Variants in CYP2B6 observed in about 807,000 individuals in gnomAD.
CYP2B6 encodes the protein cytochrome P450 family 2 subfamily B member 6.
A neutral mutation model predicts 43.4 loss-of-function variants in CYP2B6; 35 were observed. The ratio of observed to expected loss-of-function variants is 0.81; its 90% CI spans 0.62 to 1.07. CYP2B6 has a LOEUF of 1.07. Among genes scored for constraint, CYP2B6 ranks in the 50% least tolerant of loss-of-function variants. The pLI is 0.00. For missense variants in CYP2B6, 624 were observed against 632.8 expected, an observed-to-expected ratio of 0.99 and a Z score of 0.15; for synonymous variants, 239 against 239.2, an observed-to-expected ratio of 1.00 and a Z score of 0.01.
Position 41,016,811 on chromosome 19 carries a change from G to T in CYP2B6, c.1460G>T (p.Arg487Leu), listed in dbSNP as rs149386398. 6.2e-6 allele frequency: 10 copies of T among 1,613,750 alleles called. No homozygotes were observed. The highest frequency in any genetic ancestry group is 8.5e-6 in the Non-Finnish European group (10 of 1,179,878). Reference sequence around the variant, plus strand: ...AAAATACCCCCAACATACCAGATCCGCTTCCTGCCCCGCTGAAGGGGCTGA... The same window carrying T: ...AAAATACCCCCAACATACCAGATCCTCTTCCTGCCCCGCTGAAGGGGCTGA... Reference protein sequence around the residue: ...VGKIPPTYQIRFLPR With the variant: ...VGKIPPTYQILFLPR The change falls in exon 9 of 9, where the codon CGC (arginine) becomes CTC (leucine). Residue 487 changes from arginine (R) to leucine (L), a missense_variant. Coordinates refer to ENST00000324071, the MANE Select transcript of CYP2B6 (RefSeq NM_000767.5).
In CYP2B6 at chr19:41,006,815, G is replaced by A. The variant is rs1018810051; in HGVS notation, c.485-90G>A. ...TTATTCTCATGTTTACCATTACTGA[G>A]TGATGGCAGACAATCACACAGAGAT... is the stretch of plus-strand genomic sequence containing the variant. On this transcript the variant is annotated intron_variant, in intron 3 of 8. Transcript: ENST00000324071. The A allele has an allele frequency of 4.9e-6, 6 of 1,220,334 alleles. No homozygotes were observed. In the African/African-American group the frequency reaches 8.9e-5, roughly 18 times the overall value. 75.6% of individuals were successfully genotyped at this position (1,220,334 alleles called of 1,614,324 possible). A position where few individuals can be genotyped will look rare whatever the true frequency, so the allele number is the denominator to read the frequency against.
In CYP2B6 at chr19:41,010,152, C is replaced by T; in HGVS notation, c.964+17C>T. On this transcript the variant is annotated intron_variant, in intron 6 of 8. Transcript: ENST00000324071. ...ATGTTGCAGGTGGGCCAGGGACAGCCAGTCAAGGGGGTCTTCTGACCTCCT... is the reference window on the plus strand; with the variant it reads ...ATGTTGCAGGTGGGCCAGGGACAGCTAGTCAAGGGGGTCTTCTGACCTCCT... 1 of 1,612,168 alleles carries T rather than the reference C, an allele frequency of 6.2e-7. No individual in the cohort carries two copies. The highest frequency in any genetic ancestry group is 8.5e-7 in the Non-Finnish European group (1 of 1,179,872).
chr19:40,995,294 A>G (rs1309062853), intron 1 of CYP2B6, among the ~76,000 whole-genome samples: 1 of 152,220 alleles, frequency 6.6e-6, no homozygotes, highest in Non-Finnish European at 1.5e-5. Context: ...TCCAACAGAC[A>G]TACAGTTCTA....
At chr19:40,997,864 C>G (rs548417386) in intron 1 of CYP2B6, among the ~76,000 whole-genome samples, 3 of 152,178 alleles carry the variant, frequency 2.0e-5, no homozygotes, top group East Asian at 3.9e-4. Context: ...CTTTGGGAGG[C>G]TGAGGTGGGA....
chr19:40,992,546 CCTCA>C (rs944684488), intron 1 of CYP2B6, among the ~76,000 whole-genome samples: 1 of 151,870 alleles, frequency 6.6e-6, no homozygotes, highest in African/African-American at 2.4e-5. Context: ...TGAGACAGGG[CCTCA>C]CTCTGTCAGC....
At chr19:41,000,750 G>A (rs1599844020) in intron 1 of CYP2B6, among the ~76,000 whole-genome samples, 1 of 151,972 alleles carries the variant, frequency 6.6e-6, no homozygotes, top group African/African-American at 2.4e-5. Flanking sequence ...TTAGAATTAG[G>A]GATGGTGGCT....
Position 40,999,884 on chromosome 19 carries a change from C to T in CYP2B6, c.172-4117C>T, listed in dbSNP as rs146469747. Among the ~76,000 whole-genome samples, 211 of 151,978 alleles carry T rather than the reference C, an allele frequency of 1.4e-3. 2 individuals are homozygous for T. The highest frequency in any genetic ancestry group is 4.3e-3 in the African/African-American group (179 of 41,426). On this transcript the variant is annotated intron_variant, in intron 1 of 8. Coordinates refer to ENST00000324071, the MANE Select transcript of CYP2B6 (RefSeq NM_000767.5). The stretch of plus-strand genomic sequence containing the variant: ...TTTTTGTAGAGATGTGTTTGGGGGA[C>T]GGTCTCACTATGTTGCCTAGGCTGG...
chr19:41,002,636 C>T (rs1174446667), intron 1 of CYP2B6, among the ~76,000 whole-genome samples: 1 of 152,112 alleles, frequency 6.6e-6, no homozygotes, highest in Non-Finnish European at 1.5e-5. Flanking sequence ...CAACCTCCGC[C>T]TCCCCGGGCT....
Position 41,004,307 on chromosome 19 carries a change from T to C in CYP2B6, c.345T>C (p.Phe115=), listed in dbSNP as rs1443207261. ...TCCCCTGCACCCCAGGTGTGATCTT[T>C]GCCAATGGAAACCGCTGGAAGGTGC... ...DPFFRGYGVI[F]ANGNRWKVLR... The change falls in exon 3 of 9, where the codon TTT becomes TTC. Residue 115 remains phenylalanine (F), a synonymous_variant. Transcript: ENST00000324071. 1.9e-6 allele frequency: 3 copies of C among 1,613,896 alleles called. No homozygotes were observed.
intron 6 of CYP2B6, 81 bp downstream of exon 6, chr19:41,010,216 TGA>T: frequency 6.5e-7 from 1 of 1,543,430 alleles, no homozygotes; most frequent in Non-Finnish European, 8.9e-7. Flanking sequence ...ACCACCTGGA[TGA>T]GAGAGGGGAT....
chr19:40,999,561 C>G (rs193207694), intron 1 of CYP2B6, among the ~76,000 whole-genome samples: 1 of 152,176 alleles, frequency 6.6e-6, no homozygotes, highest in South Asian at 2.1e-4. Flanking sequence ...TTAGGTCTAA[C>G]GTTTAAGTCT....
At chr19:41,007,482 G>T in intron 4 of CYP2B6, 1 of 183,412 alleles carries the variant, frequency 5.5e-6, no homozygotes, top group Non-Finnish European at 1.1e-5. Flanking sequence ...TTTTTAGACG[G>T]AGTCTCGCTG....
chr19:40,992,545 G>A (rs1456285899), intron 1 of CYP2B6, among the ~76,000 whole-genome samples: 1 of 151,904 alleles, frequency 6.6e-6, no homozygotes, highest in Non-Finnish European at 1.5e-5. Context: ...CTGAGACAGG[G>A]CCTCACTCTG....
intron 3 of CYP2B6, among the ~76,000 whole-genome samples, chr19:41,006,586 C>T (rs1275142570): frequency 6.6e-6 from 1 of 151,958 alleles, no homozygotes; most frequent in Non-Finnish European, 1.5e-5. Flanking sequence ...GAACCGGCTG[C>T]ATGGACTCTA....
intron 8 of CYP2B6, among the ~76,000 whole-genome samples, chr19:41,013,713 CCTCTA>C (rs1969320225): frequency 6.6e-6 from 1 of 152,202 alleles, no homozygotes; most frequent in African/African-American, 2.4e-5. Flanking sequence ...CAGTTCTCAT[CCTCTA>C]CTCTTTGGCT....
At chr19:40,993,360 C>T (rs1968951152) in intron 1 of CYP2B6, among the ~76,000 whole-genome samples, 1 of 151,838 alleles carries the variant, frequency 6.6e-6, no homozygotes, top group Admixed American at 6.6e-5. Flanking sequence ...TGGGGAGGCC[C>T]CAGGAAAATA....
intron 5 of CYP2B6, 60 bp from the exon 6 acceptor site, chr19:41,009,934 A>G (rs1451692914): frequency 1.9e-5 from 31 of 1,609,416 alleles, no homozygotes; most frequent in Admixed American, 6.7e-5. Context: ...AGATGGGCGT[A>G]TACACAGCAA....
intron 4 of CYP2B6, chr19:41,007,344 C>T: frequency 2.2e-6 from 1 of 456,982 alleles, no homozygotes; most frequent in South Asian, 2.6e-5. Context: ...CAAAGAAGAG[C>T]AGAAATCAAG....
chr19:41,012,621 G>T (rs1217637357), intron 7 of CYP2B6, 53 bp from the exon 8 acceptor site: 18 of 1,612,624 alleles, frequency 1.1e-5, no homozygotes, highest in African/African-American at 8.0e-5. Context: ...TGTGGAGTGT[G>T]TGGAGGGTTG....
Sources: gnomAD v4.1 joint callset for allele counts (sites outside exome capture counted in the v4.1 genomes callset) on GRCh38, gnomAD v4.1.1 for gene constraint, MANE v1.5 for transcripts, NCBI Gene and HGNC (gene_info 2026-07-23, HGNC 2026-07-21) for gene names.